ZSCAN25: variants seen among roughly 807,000 people sequenced by gnomAD.
ZSCAN25 encodes zinc finger and SCAN domain-containing protein 25.
Under a neutral mutation model 38.7 loss-of-function variants are expected in ZSCAN25, and 27 were observed. The ratio of observed to expected loss-of-function variants is 0.70; its 90% confidence interval spans 0.51 to 0.96. The LOEUF (loss-of-function observed/expected upper bound fraction) is 0.96. Among genes scored for constraint, ZSCAN25 ranks in the 40% least tolerant of loss-of-function variants. The pLI, the probability that ZSCAN25 is intolerant of heterozygous loss-of-function variation, is 0.00. For synonymous variants in ZSCAN25, 273 were observed against 277.7 expected (o/e 0.98, Z 0.17); for missense variants, 637 against 705.9 (o/e 0.90, Z 1.11).
the ZSCAN25 span, among the ~76,000 whole-genome samples, chr7:99,708,144 G>C: frequency 2.0e-5 from 3 of 152,286 alleles, no homozygotes; most frequent in Admixed American, 2.0e-4. Flanking sequence ...GAATTGTAAG[G>C]TACAGATCCT....
the ZSCAN25 span, among the ~76,000 whole-genome samples, chr7:99,678,862 T>C: frequency 6.6e-6 from 1 of 152,212 alleles, no homozygotes; most frequent in Non-Finnish European, 1.5e-5. Context: ...TAGAAGTTAA[T>C]GGGACAGGTG....
At chr7:99,722,540 T>A in the ZSCAN25 span, among the ~76,000 whole-genome samples, 3 of 152,104 alleles carry the variant, frequency 2.0e-5, no homozygotes, top group Non-Finnish European at 4.4e-5. Flanking sequence ...TTAAAATCAC[T>A]CTTGAATTTT....
chr7:99,657,897 G>T, the ZSCAN25 span, among the ~76,000 whole-genome samples: 4,811 of 152,140 alleles, frequency 0.032, 237 homozygotes, highest in African/African-American at 0.1. Flanking sequence ...CAGAGAGTAG[G>T]ATTGCAACCC....
intron 1 of ZSCAN25, among the ~76,000 whole-genome samples, chr7:99,617,983 G>A (rs1253116697): frequency 6.6e-6 from 1 of 152,210 alleles, no homozygotes; most frequent in Non-Finnish European, 1.5e-5. Flanking sequence ...CAGAGTCAAT[G>A]AATAGACTGA....
At chr7:99,712,626 A>G in the ZSCAN25 span, among the ~76,000 whole-genome samples, 1 of 152,210 alleles carries the variant, frequency 6.6e-6, no homozygotes, top group Non-Finnish European at 1.5e-5. Flanking sequence ...CAGTAAGTAG[A>G]TAAATAGATG....
At chr7:99,714,533 T>C in the ZSCAN25 span, 1 of 1,611,532 alleles carries the variant, frequency 6.2e-7, no homozygotes, top group Non-Finnish European at 8.5e-7. Context: ...AACATCCTCC[T>C]ATAACTACCA....
the ZSCAN25 span, chr7:99,715,693 T>A: frequency 1.2e-6 from 2 of 1,610,840 alleles, no homozygotes; most frequent in Non-Finnish European, 8.5e-7. Context: ...CATGGTGATT[T>A]ACATCTCAAT....
At chr7:99,641,641 A>G in the ZSCAN25 span, among the ~76,000 whole-genome samples, 1 of 152,168 alleles carries the variant, frequency 6.6e-6, no homozygotes, top group Non-Finnish European at 1.5e-5. Context: ...TCCTCCCACC[A>G]TCCAAACCTA....
the ZSCAN25 span, chr7:99,685,156 G>A: frequency 5.5e-3 from 8,803 of 1,607,264 alleles, 384 homozygotes; most frequent in African/African-American, 0.1. Flanking sequence ...TCCACTTACG[G>A]TCCCATCCCT....
At position 99,629,301 on chromosome 7, in the gene ZSCAN25, C is replaced by G; in HGVS notation, c.916C>G (p.Leu306Val). The G allele has an allele frequency of 6.2e-7, 1 of 1,614,148 alleles. No individual in the cohort carries two copies. The highest frequency in any genetic ancestry group is 8.5e-7 in the Non-Finnish European group (1 of 1,180,022). ...FGEASLQGPG[L>V]GRVCEQEPGG... ...GGAAGCCTCTCTCCAGGGCCCTGGG[C>G]TCGGAAGGGTCTGTGAGCAGGAGCC... Residue 306 changes from leucine (L) to valine (V), a missense_variant, in exon 8 of 8, where the codon CTC becomes GTC. Coordinates refer to ENST00000394152, the MANE Select transcript of ZSCAN25 (RefSeq NM_145115.3). The surrounding 1 kb of genome is among the most constrained non-coding windows in gnomAD (Gnocchi z 5.6).
chr7:99,672,507 A>G, the ZSCAN25 span: 4 of 1,300,892 alleles, frequency 3.1e-6, no homozygotes, highest in South Asian at 2.4e-5. Flanking sequence ...TTCTGTGAAT[A>G]TATGTTTTTT....
At position 99,621,588 on chromosome 7, in the gene ZSCAN25, A is replaced by C; in HGVS notation, c.589+14A>C. ...TCCAGGAGCAAGGTGAGTAAGACGC[A>C]GATAGTGGGGATGTCAGGTCATAGG... On this transcript the variant is annotated intron_variant, in intron 5 of 7. Coordinates refer to ENST00000394152, the MANE Select transcript of ZSCAN25 (RefSeq NM_145115.3). 1.4e-6 allele frequency: 2 copies of C among 1,396,594 alleles called. No homozygotes were observed. The highest frequency in any genetic ancestry group is 1.9e-6 in the Non-Finnish European group (2 of 1,058,776). 86.5% of individuals were successfully genotyped at this position (1,396,594 alleles called of 1,614,324 possible).
At chr7:99,698,615 T>C in the ZSCAN25 span, among the ~76,000 whole-genome samples, 2 of 152,152 alleles carry the variant, frequency 1.3e-5, no homozygotes, top group African/African-American at 4.8e-5. Flanking sequence ...TATAAAAAGA[T>C]ATACATAAAT....
chr7:99,715,854 T>G, the ZSCAN25 span: 1 of 1,613,926 alleles, frequency 6.2e-7, no homozygotes, highest in African/African-American at 1.3e-5. Context: ...GAGTCGATGC[T>G]CACTCCAAAT....
At chr7:99,663,144 T>A in the ZSCAN25 span, 2 of 1,193,666 alleles carry the variant, frequency 1.7e-6, no homozygotes, top group Non-Finnish European at 2.1e-6. Context: ...ATCTTCTCTG[T>A]CTTTTGGATA....
At chr7:99,617,361 A>G (rs1295160291) in intron 1 of ZSCAN25, among the ~76,000 whole-genome samples, 1 of 152,220 alleles carries the variant, frequency 6.6e-6, no homozygotes, top group East Asian at 1.9e-4. Context: ...CACATAGGAC[A>G]CTTATTTAAA....
At chr7:99,735,040 G>C in the ZSCAN25 span, 1 of 1,613,996 alleles carries the variant, frequency 6.2e-7, no homozygotes, top group Non-Finnish European at 8.5e-7. Flanking sequence ...GGAGTATCAG[G>C]CTGACAGCCA....
chr7:99,659,855 G>GGCGTAGGACCCTCCGAGCCAT, the ZSCAN25 span: 11 of 152,756 alleles, frequency 7.2e-5, no homozygotes, highest in African/African-American at 2.4e-4. Context: ...AGGCTCCATG[G>GGCGTAGGACCCTCCGAGCCAT]GCGTAGGACC....
the ZSCAN25 span, among the ~76,000 whole-genome samples, chr7:99,668,091 T>C: frequency 2.0e-5 from 3 of 152,198 alleles, no homozygotes; most frequent in Admixed American, 1.3e-4. Flanking sequence ...TGCAAGGCTA[T>C]AGGATACAAG....
Sources: gnomAD v4.1 joint callset for allele counts (sites outside exome capture counted in the v4.1 genomes callset) on GRCh38, gnomAD v4.1.1 for gene constraint, Gnocchi (gnomAD v3.1) non-coding constraint, MANE v1.5 for transcripts, NCBI Gene and HGNC (gene_info 2026-07-23, HGNC 2026-07-21) for gene names.